Variants in DTNA observed in about 807,000 individuals in gnomAD.
The protein encoded by DTNA is dystrophin-related protein 3.
Under a neutral mutation model 100.7 loss-of-function variants are expected in DTNA, and 43 were observed. The observed-to-expected ratio is 0.43, with a 90% CI of 0.33 to 0.55. The LOEUF (loss-of-function observed/expected upper bound fraction) is 0.55. Ranked by LOEUF, DTNA falls within the 20% of genes least tolerant of loss-of-function variation. DTNA has a pLI of 0.04. For synonymous variants in DTNA, 349 were observed against 347.9 expected, an observed-to-expected ratio of 1.00 and a Z score of -0.04; for missense variants, 798 against 953.9, an observed-to-expected ratio of 0.84 and a Z score of 2.15.
At chr18:34,873,891 C>G (rs756345588) in intron 17 of DTNA, among the ~76,000 whole-genome samples, 6 of 152,122 alleles carry the variant, frequency 3.9e-5, no homozygotes, top group African/African-American at 1.4e-4. Context: ...ACATCACAAC[C>G]GGGCAAAGTT....
chr18:34,721,148 C>A (rs982950022), intron 1 of DTNA, among the ~76,000 whole-genome samples: 2 of 152,118 alleles, frequency 1.3e-5, no homozygotes, highest in Non-Finnish European at 2.9e-5. Flanking sequence ...GGTTTGATAG[C>A]AAAGCACAAA....
intron 1 of DTNA, among the ~76,000 whole-genome samples, chr18:34,544,142 A>C (rs756781013): frequency 6.6e-6 from 1 of 152,108 alleles, no homozygotes; most frequent in Non-Finnish European, 1.5e-5. Flanking sequence ...CACTGACCTC[A>C]TGGAAGCCAT....
intron 1 of DTNA, among the ~76,000 whole-genome samples, chr18:34,635,446 A>AT (rs1473794401): frequency 6.6e-6 from 1 of 152,202 alleles, no homozygotes; most frequent in East Asian, 1.9e-4. Flanking sequence ...ACTGTTTTTC[A>AT]TAACAGCTGT....
intron 1 of DTNA, among the ~76,000 whole-genome samples, chr18:34,747,515 C>T (rs1349784628): frequency 6.6e-6 from 1 of 152,064 alleles, no homozygotes; most frequent in Non-Finnish European, 1.5e-5. Context: ...TCCTCTGAGT[C>T]CCCAAAGTCC....
intron 1 of DTNA, among the ~76,000 whole-genome samples, chr18:34,675,238 T>C (rs2077260029): frequency 6.6e-6 from 1 of 151,928 alleles, no homozygotes; most frequent in African/African-American, 2.4e-5. Context: ...CAGTTGCACG[T>C]ACCCACCCTG....
At chr18:34,799,028 A>T (rs1167201300) in intron 4 of DTNA, among the ~76,000 whole-genome samples, 1 of 152,198 alleles carries the variant, frequency 6.6e-6, no homozygotes, top group Admixed American at 6.5e-5. Flanking sequence ...TTATTACAGG[A>T]TATTATTCTG....
chr18:34,647,277 G>A (rs914961186), intron 1 of DTNA, among the ~76,000 whole-genome samples: 1 of 152,062 alleles, frequency 6.6e-6, no homozygotes, highest in East Asian at 1.9e-4. Context: ...AGTCCAGGAT[G>A]GGTGGTCCTG....
intron 1 of DTNA, among the ~76,000 whole-genome samples, chr18:34,583,996 G>A (rs2048884094): frequency 6.6e-6 from 1 of 152,008 alleles, no homozygotes; most frequent in African/African-American, 2.4e-5. Flanking sequence ...GGAGACTTAA[G>A]TAGAAATCTG....
At chr18:34,646,868 ACCATGC>A (rs1200848560) in intron 1 of DTNA, among the ~76,000 whole-genome samples, 1 of 152,014 alleles carries the variant, frequency 6.6e-6, no homozygotes, top group Non-Finnish European at 1.5e-5. Flanking sequence ...GGCATGCGCC[ACCATGC>A]CCAGCTAATT....
At chr18:34,694,138 A>G (rs2080184841) in intron 1 of DTNA, among the ~76,000 whole-genome samples, 1 of 151,930 alleles carries the variant, frequency 6.6e-6, no homozygotes, top group Admixed American at 6.6e-5. Flanking sequence ...AGAAAAAAAA[A>G]TGAGAAATCT....
At position 34,576,277 on chromosome 18, in the gene DTNA, T is replaced by C. The variant is rs548919484; in HGVS notation, c.-2+82763T>C. On this transcript the variant is annotated intron_variant, in intron 1 of 19. Coordinates refer to the DTNA transcript ENST00000283365. ...ACTGCCTCTGATTGAGAATGTCCTA[T>C]TGGTCACTGTAGTCTTCCAGGAACC... 5.3e-5 allele frequency among the ~76,000 whole-genome samples: 8 copies of C among 152,274 alleles called. No homozygotes were observed. The South Asian group carries it at 1.7e-3, about 32-fold the overall frequency.
At chr18:34,805,256 A>G (rs1194202475) in intron 4 of DTNA, among the ~76,000 whole-genome samples, 1 of 152,218 alleles carries the variant, frequency 6.6e-6, no homozygotes, top group Non-Finnish European at 1.5e-5. Context: ...CAGATTTGTT[A>G]TACTTCCTGA....
chr18:34,601,912 A>G (rs1018112578), intron 1 of DTNA, among the ~76,000 whole-genome samples: 1 of 152,210 alleles, frequency 6.6e-6, no homozygotes, highest in South Asian at 2.1e-4. Context: ...GTAAATGTGA[A>G]ATCTTAATGC....
intron 16 of DTNA, among the ~76,000 whole-genome samples, chr18:34,860,044 T>C (rs113616721): frequency 0.013 from 2,036 of 151,096 alleles, 28 homozygotes; most frequent in African/African-American, 0.048. Flanking sequence ...TTTTTGTTTT[T>C]GTTTGTTTGT....
At chr18:34,791,249 A>G (rs938893807) in intron 3 of DTNA, among the ~76,000 whole-genome samples, 35 of 152,130 alleles carry the variant, frequency 2.3e-4, no homozygotes, top group Admixed American at 2.2e-3. Context: ...AGCTTTCTTG[A>G]CATATACCCA....
chr18:34,756,180 G>A lies in DTNA; in HGVS notation c.67+137G>A, dbSNP rs571821501. ...GTTCCTTTCATGAAGTGTACATTTT[G>A]GCCTTTTTTACTTCTTACTTGGCAA... On this transcript the variant is annotated intron_variant, in intron 2 of 22. Coordinates refer to ENST00000444659, the MANE Select transcript of DTNA (RefSeq NM_001386795.1). 16 of 1,041,902 alleles carry A rather than the reference G, an allele frequency of 1.5e-5. No homozygotes were observed. The South Asian group carries it at 2.3e-4, about 15-fold the overall frequency. The allele number at this position is 1,041,902 out of a possible 1,614,324, so 64.5% of individuals were successfully genotyped here.
At chr18:34,728,451 G>C (rs971347983) in intron 1 of DTNA, among the ~76,000 whole-genome samples, 3 of 151,872 alleles carry the variant, frequency 2.0e-5, no homozygotes, top group Non-Finnish European at 4.4e-5. Context: ...TACATGAAAA[G>C]TAAAATTTCC....
chr18:34,593,012 A>C (rs1327481852), intron 1 of DTNA, among the ~76,000 whole-genome samples: 2 of 152,178 alleles, frequency 1.3e-5, no homozygotes, highest in Non-Finnish European at 2.9e-5. Context: ...ATTCTTTTTC[A>C]GGCAGCCAAG....
chr18:34,509,168 G>A (rs1225133327), intron 1 of DTNA, among the ~76,000 whole-genome samples: 1 of 152,016 alleles, frequency 6.6e-6, no homozygotes, highest in Non-Finnish European at 1.5e-5. Context: ...ATACCATTTG[G>A]GCAGGTTGGA....
Sources: gnomAD v4.1 joint callset for allele counts (sites outside exome capture counted in the v4.1 genomes callset) on GRCh38, gnomAD v4.1.1 for gene constraint, MANE v1.5 for transcripts, NCBI Gene and HGNC (gene_info 2026-07-23, HGNC 2026-07-21) for gene names.